SDK1: variants seen among roughly 807,000 people sequenced by gnomAD.
The protein encoded by SDK1 is protein sidekick-1.
In SDK1, 157 loss-of-function variants were observed where a neutral mutation model predicts 245.5. The ratio of observed to expected loss-of-function variants is 0.64; its 90% confidence interval spans 0.56 to 0.73. The LOEUF is 0.73. SDK1 is among the 30% of genes least tolerant of loss of function. The pLI is 0.00. For synonymous variants in SDK1, 1,647 were observed against 1,278.5 expected (o/e 1.29, Z -6.15); for missense variants, 3,583 against 3,002.3 (o/e 1.19, Z -4.52).
At chr7:3,907,018 T>G (rs1369594169) in intron 5 of SDK1, among the ~76,000 whole-genome samples, 1 of 152,232 alleles carries the variant, frequency 6.6e-6, no homozygotes, top group Non-Finnish European at 1.5e-5. Flanking sequence ...CCTTCTTATA[T>G]TTCACCTAGA....
intron 1 of SDK1, among the ~76,000 whole-genome samples, chr7:3,601,312 T>A (rs1024161393): frequency 6.6e-6 from 1 of 152,154 alleles, no homozygotes; most frequent in African/African-American, 2.4e-5. Context: ...TCTTTAAATG[T>A]TTGGTAGAAT....
intron 4 of SDK1, among the ~76,000 whole-genome samples, chr7:3,728,910 C>G (rs937003257): frequency 4.6e-5 from 7 of 151,836 alleles, no homozygotes; most frequent in African/African-American, 1.2e-4. Context: ...CCAACAGTGG[C>G]TATTTCTAAG....
At chr7:3,971,437 G>T (rs375604488) in intron 11 of SDK1, 29 bp from the exon 12 acceptor site, 13 of 1,510,520 alleles carry the variant, frequency 8.6e-6, no homozygotes, top group Non-Finnish European at 1.1e-5. Flanking sequence ...TTGTCATTTC[G>T]TCTGACTCGT....
At chr7:3,366,396 A>T (rs1781092366) in intron 1 of SDK1, among the ~76,000 whole-genome samples, 1 of 151,368 alleles carries the variant, frequency 6.6e-6, no homozygotes. Flanking sequence ...TTACTCCATT[A>T]TAGCACATAG....
intron 14 of SDK1, among the ~76,000 whole-genome samples, chr7:3,991,398 C>T (rs889835221): frequency 1.3e-5 from 2 of 152,186 alleles, no homozygotes; most frequent in Admixed American, 6.5e-5. Context: ...CTCCTCAGGG[C>T]TCCCTTGCTG....
chr7:3,718,069 G>A (rs1785253846), intron 4 of SDK1, among the ~76,000 whole-genome samples: 1 of 152,070 alleles, frequency 6.6e-6, no homozygotes, highest in Non-Finnish European at 1.5e-5. Flanking sequence ...ATTAGACACC[G>A]TAACCAAGTG....
intron 1 of SDK1, among the ~76,000 whole-genome samples, chr7:3,342,316 C>T (rs113100763): frequency 0.14 from 21,947 of 152,060 alleles, 2,454 homozygotes; most frequent in African/African-American, 0.31. Flanking sequence ...TAGCCAGGTG[C>T]GGTGGCTCAT....
chr7:3,456,558 T>A (rs1780673712), intron 1 of SDK1, among the ~76,000 whole-genome samples: 1 of 152,262 alleles, frequency 6.6e-6, no homozygotes, highest in South Asian at 2.1e-4. Context: ...AACTTTCATT[T>A]GTTTTTAAAA....
chr7:4,021,224 G>C (rs189396160), intron 17 of SDK1, among the ~76,000 whole-genome samples: 2 of 152,260 alleles, frequency 1.3e-5, no homozygotes, highest in East Asian at 1.9e-4. Flanking sequence ...AATAAGAGCA[G>C]GAAGTAGAAA....
intron 5 of SDK1, among the ~76,000 whole-genome samples, chr7:3,847,467 G>T (rs985619154): frequency 5.9e-5 from 9 of 152,268 alleles, no homozygotes; most frequent in Admixed American, 2.6e-4. Flanking sequence ...TGACAGAGGA[G>T]ACTCCTTATG....
Position 3,418,145 on chromosome 7 carries a change from G to GAAAAAA in SDK1, c.298+116279_298+116284dup, listed in dbSNP as rs200914826. Among the ~76,000 whole-genome samples the GAAAAAA allele has an allele frequency of 1.2e-3, 143 of 119,628 alleles. 1 individual carries two copies. Among genetic ancestry groups the GAAAAAA allele is most frequent in the Middle Eastern group, 4.1e-3 (1 of 244 alleles). The allele number at this position is 119,628 out of a possible 152,430, so 78.5% of individuals were successfully genotyped here. On this transcript the variant is annotated intron_variant, in intron 1 of 44. Coordinates refer to ENST00000404826, the MANE Select transcript of SDK1 (RefSeq NM_152744.4). ...GTGAAACCCGATCTCTACTAAAAAT[G>GAAAAAA]AAAAAAAAAAAAAAAAAAAAAAATA...
chr7:3,851,825 G>C (rs1780426857), intron 5 of SDK1, among the ~76,000 whole-genome samples: 1 of 152,086 alleles, frequency 6.6e-6, no homozygotes, highest in Non-Finnish European at 1.5e-5. Flanking sequence ...CCTAGAGGAA[G>C]AAAAATAAGA....
chr7:3,909,934 G>T (rs1320802677), intron 5 of SDK1, among the ~76,000 whole-genome samples: 1 of 152,200 alleles, frequency 6.6e-6, no homozygotes, highest in Non-Finnish European at 1.5e-5. Flanking sequence ...CCCCGGGGAA[G>T]TGAATATTTC....
At chr7:4,055,189 G>A (rs1779120369) in intron 19 of SDK1, among the ~76,000 whole-genome samples, 1 of 152,160 alleles carries the variant, frequency 6.6e-6, no homozygotes, top group Non-Finnish European at 1.5e-5. Flanking sequence ...CTCTTTAAAT[G>A]TTTGGTAGAA....
intron 1 of SDK1, among the ~76,000 whole-genome samples, chr7:3,552,973 C>T (rs988094787): frequency 4.6e-5 from 7 of 152,088 alleles, no homozygotes; most frequent in Non-Finnish European, 7.3e-5. Context: ...TTTCTTATTA[C>T]ATTTTTTATC....
intron 17 of SDK1, among the ~76,000 whole-genome samples, chr7:4,043,705 T>G (rs1414142684): frequency 6.6e-6 from 1 of 152,226 alleles, no homozygotes; most frequent in African/African-American, 2.4e-5. Context: ...AGGAAATGAC[T>G]ACTTATTTAA....
chr7:3,697,012 T>C (rs1784593761), intron 4 of SDK1, among the ~76,000 whole-genome samples: 1 of 152,040 alleles, frequency 6.6e-6, no homozygotes, highest in African/African-American at 2.4e-5. Context: ...GCTTTAAAGA[T>C]CTTGAATGAG....
intron 5 of SDK1, among the ~76,000 whole-genome samples, chr7:3,884,154 C>G (rs1351378312): frequency 6.6e-6 from 1 of 150,538 alleles, no homozygotes; most frequent in Non-Finnish European, 1.5e-5. Context: ...AATCATAGCT[C>G]GCTGCAGCCT....
At chr7:4,011,654 G>A (rs916737697) in intron 15 of SDK1, among the ~76,000 whole-genome samples, 2 of 152,214 alleles carry the variant, frequency 1.3e-5, no homozygotes, top group Non-Finnish European at 2.9e-5. Flanking sequence ...ACCAACCTGA[G>A]CTTTCAGTGG....
Sources: gnomAD v4.1 joint callset for allele counts (sites outside exome capture counted in the v4.1 genomes callset) on GRCh38, gnomAD v4.1.1 for gene constraint, MANE v1.5 for transcripts, NCBI Gene and HGNC (gene_info 2026-07-23, HGNC 2026-07-21) for gene names.